The following PDZD2 variants were observed in gnomAD, a reference collection of about 807,000 sequenced individuals.
PDZD2 encodes PDZ domain-containing protein 2.
A neutral mutation model predicts 220.7 loss-of-function variants in PDZD2; 90 were observed. The ratio of observed to expected loss-of-function variants is 0.41; its 90% CI spans 0.34 to 0.49. The LOEUF (loss-of-function observed/expected upper bound fraction) is 0.49, where lower values mean the gene tolerates loss of function less well. Among genes scored for constraint, PDZD2 ranks in the 20% least tolerant of loss-of-function variants. The pLI is 0.28. For missense variants in PDZD2, 3,174 were observed against 3,608.5 expected (o/e 0.88, Z 3.08); for synonymous variants, 1,375 against 1,450.5 (o/e 0.95, Z 1.18).
intron 1 of PDZD2, among the ~76,000 whole-genome samples, chr5:31,733,172 G>A (rs1311305286): frequency 6.6e-6 from 1 of 152,214 alleles, no homozygotes; most frequent in African/African-American, 2.4e-5. Flanking sequence ...AGAATTCGGG[G>A]TGGGTTACCT....
At chr5:31,832,709 A>G (rs1353991130) in intron 2 of PDZD2, among the ~76,000 whole-genome samples, 1 of 152,116 alleles carries the variant, frequency 6.6e-6, no homozygotes, top group Non-Finnish European at 1.5e-5. Context: ...CCAGCTACTC[A>G]GGAGGCTGAG....
intron 1 of PDZD2, among the ~76,000 whole-genome samples, chr5:31,785,652 G>T: frequency 6.6e-6 from 1 of 151,824 alleles, no homozygotes; most frequent in East Asian, 1.9e-4. Flanking sequence ...TGTTGCCCCG[G>T]CTGCTCTTGA....
intron 2 of PDZD2, among the ~76,000 whole-genome samples, chr5:31,831,891 G>GT (rs1756615532): frequency 7.5e-6 from 1 of 133,482 alleles, no homozygotes; most frequent in Non-Finnish European, 1.5e-5. Context: ...TCCAGCCTGG[G>GT]TGACAGAGTG....
intron 2 of PDZD2, among the ~76,000 whole-genome samples, chr5:31,965,758 A>G (rs1748687028): frequency 6.6e-6 from 1 of 152,234 alleles, no homozygotes; most frequent in South Asian, 2.1e-4. Context: ...TTAGCCAGGC[A>G]TGGTGGCACA....
intron 2 of PDZD2, among the ~76,000 whole-genome samples, chr5:31,878,629 G>A (rs1217678516): frequency 7.5e-6 from 1 of 132,742 alleles, no homozygotes; most frequent in African/African-American, 2.8e-5. Flanking sequence ...GCGCGATCTC[G>A]GCTCACTGCA....
intron 1 of PDZD2, among the ~76,000 whole-genome samples, chr5:31,642,542 G>A (rs751477668): frequency 1.3e-5 from 2 of 152,248 alleles, no homozygotes; most frequent in African/African-American, 2.4e-5. Flanking sequence ...ATCCAGAAGT[G>A]TGCTGTTTGA....
intron 1 of PDZD2, among the ~76,000 whole-genome samples, chr5:31,792,363 T>C (rs1753776851): frequency 2.0e-5 from 3 of 152,224 alleles, no homozygotes; most frequent in African/African-American, 7.2e-5. Context: ...CTGTTACTTA[T>C]GAACTGTGAG....
chr5:32,008,298 T>C lies in PDZD2; in HGVS notation c.1255-2032T>C, dbSNP rs186443973. 5.3e-5 allele frequency among the ~76,000 whole-genome samples: 8 copies of C among 150,530 alleles called. No homozygotes were observed. The East Asian group carries it at 7.8e-4, about 15-fold the overall frequency. On this transcript the variant is annotated intron_variant, in intron 5 of 24. Coordinates refer to ENST00000438447, the MANE Select transcript of PDZD2 (RefSeq NM_178140.4). The stretch of plus-strand genomic sequence containing the variant: ...CTCTTTTGTTTCTTTTTTTTTTTTT[T>C]TTCTTTTTTTTGGAGATGGAGTTTT...
intron 14 of PDZD2, among the ~76,000 whole-genome samples, chr5:32,065,309 C>CA (rs962604978): frequency 7.9e-5 from 12 of 152,012 alleles, no homozygotes; most frequent in East Asian, 3.9e-4. Context: ...AAAAAACAAA[C>CA]AAAAAAAATA....
At chr5:31,976,947 AC>A (rs1341266038) in intron 2 of PDZD2, among the ~76,000 whole-genome samples, 1 of 144,702 alleles carries the variant, frequency 6.9e-6, no homozygotes, top group Non-Finnish European at 1.5e-5. Context: ...CGAACTCCTG[AC>A]CCCATGATCC....
intron 1 of PDZD2, among the ~76,000 whole-genome samples, chr5:31,687,510 C>T (rs944358863): frequency 3.9e-5 from 6 of 152,160 alleles, no homozygotes; most frequent in Non-Finnish European, 4.4e-5. Flanking sequence ...CACCTCCAAA[C>T]TCTTCTAGCC....
chr5:31,826,712 G>A (rs1228993033), intron 2 of PDZD2, among the ~76,000 whole-genome samples: 1 of 151,480 alleles, frequency 6.6e-6, no homozygotes, highest in Non-Finnish European at 1.5e-5. Flanking sequence ...CTGTTTATTC[G>A]ATATTATCAA....
At chr5:31,713,837 A>G (rs1020698143) in intron 1 of PDZD2, among the ~76,000 whole-genome samples, 1 of 152,186 alleles carries the variant, frequency 6.6e-6, no homozygotes, top group African/African-American at 2.4e-5. Context: ...GTGAGCCACC[A>G]CGCATGGCCA....
In PDZD2 at chr5:32,000,424, G is replaced by A. The variant is rs145221631; in HGVS notation, c.1254+153G>A. Among the ~76,000 whole-genome samples, 26 of 152,340 alleles carry A rather than the reference G, an allele frequency of 1.7e-4. No homozygotes were observed. The highest frequency in any genetic ancestry group is 2.6e-4 in the Admixed American group (4 of 15,304). ...AACAGCCTTGCTTCCACAGGGCAAC[G>A]CTATATGGAGACCCTTAGCTGAAGT... On this transcript the variant is annotated intron_variant, in intron 5 of 24. Transcript: ENST00000438447. The surrounding 1 kb of genome is among the most constrained non-coding windows in gnomAD (Gnocchi z 4.5).
At chr5:31,868,865 G>A (rs992308726) in intron 2 of PDZD2, among the ~76,000 whole-genome samples, 11 of 152,242 alleles carry the variant, frequency 7.2e-5, no homozygotes, top group Middle Eastern at 3.4e-3. Context: ...ACCGCCTCCC[G>A]GGTTCAAGCA....
At chr5:31,741,374 T>TAA (rs1561422638) in intron 1 of PDZD2, among the ~76,000 whole-genome samples, 1 of 147,788 alleles carries the variant, frequency 6.8e-6, no homozygotes, top group Non-Finnish European at 1.5e-5. Context: ...TTTTTTTTTT[T>TAA]TAAAAAGGCT....
chr5:31,864,542 G>A (rs927114457), intron 2 of PDZD2, among the ~76,000 whole-genome samples: 5 of 150,992 alleles, frequency 3.3e-5, no homozygotes, highest in South Asian at 4.2e-4. Context: ...TTTTGGAGAC[G>A]GAGTTTCGCT....
intron 2 of PDZD2, among the ~76,000 whole-genome samples, chr5:31,867,459 T>G (rs1738332799): frequency 6.6e-6 from 1 of 152,138 alleles, no homozygotes; most frequent in Non-Finnish European, 1.5e-5. Flanking sequence ...GCAGAAGAAG[T>G]GGTTTCCTTC....
chr5:31,869,789 T>C (rs1041578783), intron 2 of PDZD2, among the ~76,000 whole-genome samples: 2 of 152,160 alleles, frequency 1.3e-5, no homozygotes, highest in Non-Finnish European at 2.9e-5. Flanking sequence ...CAGTGCCTTC[T>C]AGCAGTGCTG....
Sources: gnomAD v4.1 joint callset for allele counts (sites outside exome capture counted in the v4.1 genomes callset) on GRCh38, gnomAD v4.1.1 for gene constraint, Gnocchi (gnomAD v3.1) non-coding constraint, MANE v1.5 for transcripts, NCBI Gene and HGNC (gene_info 2026-07-23, HGNC 2026-07-21) for gene names.